KLF11: variants seen among roughly 807,000 people sequenced by gnomAD.
KLF11 encodes the protein Krueppel-like factor 11.
Under a neutral mutation model 29.9 loss-of-function variants are expected in KLF11, and 26 were observed. The ratio of observed to expected loss-of-function variants is 0.87; its 90% CI spans 0.64 to 1.21. KLF11 has a LOEUF of 1.21. KLF11 is among the 50% of genes most tolerant of loss of function. KLF11 has a pLI of 0.00. For synonymous variants in KLF11, 318 were observed against 257.4 expected, an observed-to-expected ratio of 1.24 and a Z score of -2.25; for missense variants, 778 against 665.7, an observed-to-expected ratio of 1.17 and a Z score of -1.86.
chr2:10,044,973 C>G (rs186970602), intron 1 of KLF11, among the ~76,000 whole-genome samples: 1 of 152,144 alleles, frequency 6.6e-6, no homozygotes, highest in African/African-American at 2.4e-5. Flanking sequence ...TGGGGAAAAC[C>G]GCTCTCTACT....
Position 10,048,125 on chromosome 2 carries a change from A to G in KLF11, c.788A>G (p.Asn263Ser). The G allele has an allele frequency of 1.2e-6, 2 of 1,614,168 alleles. No homozygotes were observed. The highest frequency in any genetic ancestry group is 1.7e-6 in the Non-Finnish European group (2 of 1,180,020). The part of the protein sequence containing the change: ...PGAVQTCSPK[N>S]YENDLPRKTT... ...GCAGTTCAGACTTGCTCACCAAAGA[A>G]TTATGAAAATGACCTGCCCAGGAAA... Residue 263 changes from asparagine (N) to serine (S), a missense_variant, in exon 3 of 4, where the codon AAT becomes AGT. By Grantham distance (46) the Asn-to-Ser change is conservative. Transcript: ENST00000305883.
At position 10,043,889 on chromosome 2, in the gene KLF11, T is replaced by C. The variant is rs1046796544; in HGVS notation, c.42+131T>C. The C allele has an allele frequency of 2.4e-3, 2,595 of 1,072,450 alleles. 1 individual carries two copies. Among genetic ancestry groups the C allele is most frequent in the Non-Finnish European group, 2.8e-3 (2,460 of 880,472 alleles). The allele number at this position is 1,072,450 out of a possible 1,614,324, so 66.4% of individuals were successfully genotyped here. A position where few individuals can be genotyped will look rare whatever the true frequency, so the allele number is the denominator to read the frequency against. ...CAGGGCTTCGCTGCGGCCGCGCCGG[T>C]AGGGGCCTGGGCGGGCTCCGGAGCC... On this transcript the variant is annotated intron_variant, in intron 1 of 3. Transcript: ENST00000305883.
intron 1 of KLF11, among the ~76,000 whole-genome samples, chr2:10,044,701 A>G (rs1469115672): frequency 6.8e-6 from 1 of 146,658 alleles, no homozygotes; most frequent in Non-Finnish European, 1.5e-5. Context: ...GCCGGAGTGC[A>G]GTGGGCGCGC....
rs58347649 is a variant in KLF11, at chr2:10,048,908, CTT to C, written c.1258+334_1258+335del. Among the ~76,000 whole-genome samples, 11,425 of 121,628 alleles carry C rather than the reference CTT, an allele frequency of 0.094. 493 individuals are homozygous for C. The highest frequency in any genetic ancestry group is 0.21 in the Middle Eastern group (47 of 222). The allele number at this position is 121,628 out of a possible 152,430, so 79.8% of individuals were successfully genotyped here. ...TTCACATTGCAGTAGACGTTTCATC[CTT>C]TTTTTTTTTTTTTTTTTTTTAAAGA... On this transcript the variant is annotated intron_variant, in intron 3 of 3. Transcript: ENST00000305883.
rs1661442956 is a variant in KLF11, at chr2:10,052,615, G to A, written c.*108G>A. 3.3e-6 allele frequency: 4 copies of A among 1,202,644 alleles called. No individual in the cohort carries two copies. Among genetic ancestry groups the A allele is most frequent in the Non-Finnish European group, 4.8e-6 (4 of 837,474 alleles). The allele number at this position is 1,202,644 out of a possible 1,614,324, so 74.5% of individuals were successfully genotyped here. Reference sequence around the variant, plus strand: ...TCACCCAAAAAAAACGGTCTTGGCGGCCTAGGGGAAGATCGGGGAGCTGGT... The same window carrying A: ...TCACCCAAAAAAAACGGTCTTGGCGACCTAGGGGAAGATCGGGGAGCTGGT... On this transcript the variant is annotated 3_prime_UTR_variant, in exon 4 of 4. Coordinates refer to ENST00000305883, the MANE Select transcript of KLF11 (RefSeq NM_003597.5).
intron 3 of KLF11, among the ~76,000 whole-genome samples, chr2:10,050,892 CTTTTTTTTTTTTTTT>C (rs386389509): frequency 1.5e-4 from 8 of 54,824 alleles, no homozygotes; most frequent in African/African-American, 5.3e-4. Flanking sequence ...TAGATGCTAC[CTTTTTTTTTTTTTTT>C]TTTTTTTTTT....
At position 10,050,892 on chromosome 2, in the gene KLF11, CTTTTTTTTTTTTTTTT is replaced by C. The variant is rs386389509; in HGVS notation, c.1259-1323_1259-1308del. ...GTAAGGTAGAGTGAATAGATGCTACCTTTTTTTTTTTTTTTTTTTTTTTTTTTGAGATGGAATCTTG... is the reference window on the plus strand; with the variant it reads ...GTAAGGTAGAGTGAATAGATGCTACCTTTTTTTTTTTGAGATGGAATCTTG... On this transcript the variant is annotated intron_variant, in intron 3 of 3. Coordinates refer to ENST00000305883, the MANE Select transcript of KLF11 (RefSeq NM_003597.5). Among the ~76,000 whole-genome samples the C allele has an allele frequency of 7.3e-5, 4 of 54,830 alleles. 1 individual carries two copies. The Admixed American group carries it at 1.2e-3, about 17-fold the overall frequency. The allele number at this position is 54,830 out of a possible 152,430, so 36.0% of individuals were successfully genotyped here.
intron 1 of KLF11, among the ~76,000 whole-genome samples, chr2:10,045,718 T>C (rs529621086): frequency 6.6e-6 from 1 of 152,362 alleles, no homozygotes; most frequent in Admixed American, 6.5e-5. Flanking sequence ...TTTGGCGGCT[T>C]TGCCGCCTCA....
At chr2:10,051,710 G>C (rs1365879568) in intron 3 of KLF11, among the ~76,000 whole-genome samples, 1 of 145,562 alleles carries the variant, frequency 6.9e-6, no homozygotes, top group African/African-American at 2.6e-5. Context: ...GTAGAGATGG[G>C]GTTTCACCGT....
Position 10,046,276 on chromosome 2 carries a change from T to A in KLF11, c.169T>A (p.Trp57Arg), listed in dbSNP as rs1315819450. 14 of 1,614,210 alleles carry A rather than the reference T, an allele frequency of 8.7e-6. No individual in the cohort carries two copies. The highest frequency in any genetic ancestry group is 1.1e-5 in the Non-Finnish European group (13 of 1,180,042). The change falls in exon 2 of 4, where the codon TGG becomes AGG. Residue 57 changes from tryptophan to arginine, a missense_variant. Physicochemically the swap from Trp to Arg is moderately radical, Grantham distance 101 (BLOSUM62 -3). Transcript: ENST00000305883. ...CGAGGCTCTTGTTTGTATGAGCTCC[T>A]GGGGTCAAAGATCCCAGAAAGGTGA... ...AVEALVCMSS[W>R]GQRSQKGDLL...
intron 1 of KLF11, chr2:10,044,080 TGGGC>T: frequency 1.4e-6 from 1 of 709,504 alleles, no homozygotes; most frequent in Non-Finnish European, 1.7e-6. Flanking sequence ...GGACGGCCGT[TGGGC>T]GGGGGAGCGG....
chr2:10,052,312 C>G lies in KLF11; in HGVS notation c.1344C>G (p.His448Gln). The G allele has an allele frequency of 6.2e-7, 1 of 1,614,182 alleles. No homozygotes were observed. The highest frequency in any genetic ancestry group is 8.5e-7 in the Non-Finnish European group (1 of 1,180,044). Residue 448 changes from histidine to glutamine, a missense_variant, in exon 4 of 4, where the codon CAC becomes CAG. By Grantham distance (24) the His-to-Gln change is conservative (BLOSUM62 0). Coordinates refer to ENST00000305883, the MANE Select transcript of KLF11 (RefSeq NM_003597.5). ...AGCTGTCACGCCACCGCAGAACTCA[C>G]ACAGGGGAGAAGAAGTTTGTGTGCC... is the stretch of plus-strand genomic sequence containing the variant. ...SDELSRHRRT[H>Q]TGEKKFVCPV...
At position 10,046,177 on chromosome 2, in the gene KLF11, A is replaced by G; in HGVS notation, c.70A>G (p.Ile24Val). The G allele has an allele frequency of 6.2e-7, 1 of 1,614,136 alleles. No homozygotes were observed. Among genetic ancestry groups the G allele is most frequent in the Non-Finnish European group, 8.5e-7 (1 of 1,180,044 alleles). The part of the protein sequence containing the change: ...AVDIMDICES[I>V]LERKRHDSER... ...TGACATCATGGACATATGTGAGTCC[A>G]TCCTGGAGAGGAAGCGGCATGACAG... is the stretch of plus-strand genomic sequence containing the variant. The change falls in exon 2 of 4, where the codon ATC becomes GTC. Residue 24 changes from isoleucine (I) to valine (V), a missense_variant. Transcript: ENST00000305883.
rs1216501263 is a variant in KLF11 at position 10,053,062 on chromosome 2, C to G, written c.*555C>G. On this transcript the variant is annotated 3_prime_UTR_variant, in exon 4 of 4. Coordinates refer to ENST00000305883, the MANE Select transcript of KLF11 (RefSeq NM_003597.5). The stretch of plus-strand genomic sequence containing the variant: ...CTGGCCTTTTAGATCTTTTTGGAAT[C>G]GGACCTGGTTGAGTAAGGACCTCTT... The G allele has an allele frequency of 2.5e-6, 1 of 394,012 alleles. No homozygotes were observed. Among genetic ancestry groups the G allele is most frequent in the African/African-American group, 2.1e-5 (1 of 48,492 alleles). 24.4% of individuals were successfully genotyped at this position (394,012 alleles called of 1,614,324 possible).
At chr2:10,046,461 T>G (rs1661207083) in intron 2 of KLF11, 42 bp downstream of exon 2, 28 of 1,601,436 alleles carry the variant, frequency 1.7e-5, no homozygotes, top group Non-Finnish European at 2.4e-5. Flanking sequence ...GTGAAATGAC[T>G]AGAGTAGCTG....
Position 10,043,700 on chromosome 2 carries a change from C to G in KLF11, c.-17C>G. 7.6e-7 allele frequency: 1 copy of G among 1,320,706 alleles called. No homozygotes were observed. Among genetic ancestry groups the G allele is most frequent in the Middle Eastern group, 2.9e-4 (1 of 3,424 alleles). The allele number at this position is 1,320,706 out of a possible 1,614,324, so 81.8% of individuals were successfully genotyped here. A position where few individuals can be genotyped will look rare whatever the true frequency, so the allele number is the denominator to read the frequency against. ...CACGCCCCGCGGCCGCTTTGTTGCT[C>G]CCGGCCGGCCTGCACGATGCACACG... is the stretch of plus-strand genomic sequence containing the variant. On this transcript the variant is annotated 5_prime_UTR_variant, in exon 1 of 4. Coordinates refer to ENST00000305883, the MANE Select transcript of KLF11 (RefSeq NM_003597.5).
chr2:10,047,874 T>C lies in KLF11; in HGVS notation c.537T>C (p.Thr179=). 1 of 1,613,890 alleles carries C rather than the reference T, an allele frequency of 6.2e-7. No homozygotes were observed. The highest frequency in any genetic ancestry group is 1.3e-5 in the African/African-American group (1 of 75,066). The change falls in exon 3 of 4, where the codon ACT becomes ACC. Residue 179 remains threonine, a synonymous_variant. Coordinates refer to ENST00000305883, the MANE Select transcript of KLF11 (RefSeq NM_003597.5). ...RAKGTSVIRH[T]GESPAACFPT... is the part of the protein sequence containing the mutation. Reference sequence around the variant, plus strand: ...AGGGGACTAGCGTGATCCGACACACTGGGGAGAGCCCTGCTGCCTGCTTTC... The same window carrying C: ...AGGGGACTAGCGTGATCCGACACACCGGGGAGAGCCCTGCTGCCTGCTTTC...
Position 10,052,687 on chromosome 2 carries a change from C to T in KLF11, c.*180C>T, listed in dbSNP as rs1463721263. 1.0e-5 allele frequency: 6 copies of T among 593,420 alleles called. No homozygotes were observed. The highest frequency in any genetic ancestry group is 6.5e-5 in the Admixed American group (2 of 30,702). 36.8% of individuals were successfully genotyped at this position (593,420 alleles called of 1,614,324 possible). ...TTTCTTTTCCACTTGGGACCCTGTT[C>T]AGTATCTTTTGTAGTTTCAGAAGTT... On this transcript the variant is annotated 3_prime_UTR_variant, in exon 4 of 4. Coordinates refer to ENST00000305883, the MANE Select transcript of KLF11 (RefSeq NM_003597.5).
chr2:10,048,839 T>A lies in KLF11; in HGVS notation c.1258+244T>A, dbSNP rs373260617. ...AAAATGTAGTATAGTTCTGTGATTG[T>A]GTCTTTTGGTAGCTTTTAGAGTGAC... is the stretch of plus-strand genomic sequence containing the variant. On this transcript the variant is annotated intron_variant, in intron 3 of 3. Transcript: ENST00000305883. Among the ~76,000 whole-genome samples, 45 of 151,958 alleles carry A rather than the reference T, an allele frequency of 3.0e-4. No homozygotes were observed. In the East Asian group the frequency reaches 7.0e-3, roughly 24 times the overall value.
Sources: allele counts gnomAD v4.1 joint callset (sites outside exome capture counted in the v4.1 genomes callset), GRCh38; gene constraint gnomAD v4.1.1; transcripts MANE v1.5; gene names NCBI Gene and HGNC (gene_info 2026-07-23, HGNC 2026-07-21).